Variants in HEMK2 observed in about 807,000 individuals in gnomAD.
HEMK2 encodes HemK methyltransferase 2, ETF1 glutamine and histone H4 lysine, also known as methyltransferase HEMK2.
the HEMK2 span, among the ~76,000 whole-genome samples, chr21:28,607,334 C>T: frequency 3.9e-5 from 6 of 152,030 alleles, no homozygotes; most frequent in African/African-American, 7.2e-5. Context: ...TTGCGTGAAC[C>T]TGAGAGTCAG....
At chr21:28,838,975 ATATATATATATATATATATATATAT>A in the HEMK2 span, among the ~76,000 whole-genome samples, 2 of 30,726 alleles carry the variant, frequency 6.5e-5, no homozygotes, top group Non-Finnish European at 1.0e-4. Flanking sequence ...AAAAAAAAAT[ATATATATATATATATATATATATAT>A]ACATATATAT....
the HEMK2 span, among the ~76,000 whole-genome samples, chr21:28,620,660 C>CTT: frequency 9.3e-4 from 46 of 49,646 alleles, 4 homozygotes; most frequent in East Asian, 4.5e-3. Flanking sequence ...TCTCTCTTTT[C>CTT]TTTTTTTTTT....
At chr21:28,738,296 G>GT in the HEMK2 span, among the ~76,000 whole-genome samples, 2 of 152,152 alleles carry the variant, frequency 1.3e-5, no homozygotes, top group Non-Finnish European at 2.9e-5. Flanking sequence ...TTTCAGTTAA[G>GT]TTTGTTGCCA....
chr21:28,619,890 T>C, the HEMK2 span, among the ~76,000 whole-genome samples: 2 of 152,226 alleles, frequency 1.3e-5, no homozygotes, highest in Non-Finnish European at 2.9e-5. Flanking sequence ...CATGACTTCG[T>C]AAATCTAAGG....
At chr21:28,768,955 A>G in the HEMK2 span, among the ~76,000 whole-genome samples, 7 of 152,042 alleles carry the variant, frequency 4.6e-5, no homozygotes, top group Non-Finnish European at 7.4e-5. Context: ...GGCCATCTGC[A>G]AGCCAAGCAG....
the HEMK2 span, among the ~76,000 whole-genome samples, chr21:28,828,994 T>C: frequency 6.6e-6 from 1 of 152,230 alleles, no homozygotes; most frequent in Non-Finnish European, 1.5e-5. Flanking sequence ...TGCATTCCTT[T>C]ACATTCCTGG....
chr21:28,696,469 T>C, the HEMK2 span, among the ~76,000 whole-genome samples: 120 of 152,368 alleles, frequency 7.9e-4, no homozygotes, highest in African/African-American at 2.6e-3. Flanking sequence ...TGGATTCCCA[T>C]GGTCTCGGGT....
chr21:28,781,413 C>CAG, the HEMK2 span, among the ~76,000 whole-genome samples: 54 of 152,260 alleles, frequency 3.5e-4, 1 homozygote, highest in South Asian at 0.011. Context: ...GACGCCATGC[C>CAG]AGAGTTCCCA....
the HEMK2 span, among the ~76,000 whole-genome samples, chr21:28,760,332 CT>C: frequency 1.3e-5 from 2 of 152,160 alleles, no homozygotes; most frequent in Non-Finnish European, 2.9e-5. Context: ...ATTCAACAAA[CT>C]TTTTCCATAA....
At chr21:28,770,488 T>G in the HEMK2 span, among the ~76,000 whole-genome samples, 1 of 152,118 alleles carries the variant, frequency 6.6e-6, no homozygotes, top group Non-Finnish European at 1.5e-5. Flanking sequence ...GTGCTGTCAT[T>G]TGAATGTGTC....
At chr21:28,800,251 C>T in the HEMK2 span, among the ~76,000 whole-genome samples, 2 of 152,106 alleles carry the variant, frequency 1.3e-5, no homozygotes, top group Non-Finnish European at 2.9e-5. Context: ...CTCATGCTGA[C>T]GTACATGTGA....
chr21:28,882,191 T>C, the HEMK2 span: 77 of 1,590,922 alleles, frequency 4.8e-5, no homozygotes, highest in Middle Eastern at 1.7e-4. Flanking sequence ...AATGTGAACT[T>C]TGTTACAGCG....
chr21:28,733,177 G>C, the HEMK2 span, among the ~76,000 whole-genome samples: 1 of 152,262 alleles, frequency 6.6e-6, no homozygotes, highest in South Asian at 2.1e-4. Context: ...TACTCGGGAG[G>C]CTGAGGCAGG....
chr21:28,766,450 C>A, the HEMK2 span, among the ~76,000 whole-genome samples: 2 of 146,494 alleles, frequency 1.4e-5, no homozygotes, highest in Non-Finnish European at 3.0e-5. Context: ...GTATGAGATG[C>A]CTTAAAGAAC....
At chr21:28,858,618 GGAAAGGAGGGAA>G in the HEMK2 span, among the ~76,000 whole-genome samples, 1 of 151,872 alleles carries the variant, frequency 6.6e-6, no homozygotes, top group Non-Finnish European at 1.5e-5. Context: ...AGGGAAGTGG[GGAAAGGAGGGAA>G]GGAAGGAGGG....
At chr21:28,831,510 A>G in the HEMK2 span, among the ~76,000 whole-genome samples, 121 of 88,006 alleles carry the variant, frequency 1.4e-3, 1 homozygote, top group African/African-American at 4.3e-3. Flanking sequence ...AAAGAAAGAA[A>G]GAAAGAAAGA....
the HEMK2 span, among the ~76,000 whole-genome samples, chr21:28,763,752 T>G: frequency 6.6e-6 from 1 of 152,138 alleles, no homozygotes; most frequent in African/African-American, 2.4e-5. Flanking sequence ...ATGACCATGT[T>G]CTTTTCAGGA....
chr21:28,688,912 C>A, the HEMK2 span, among the ~76,000 whole-genome samples: 1 of 152,102 alleles, frequency 6.6e-6, no homozygotes, highest in Non-Finnish European at 1.5e-5. Context: ...GGGCCAAATC[C>A]AGCCATGCCC....
chr21:28,725,982 T>C, the HEMK2 span, among the ~76,000 whole-genome samples: 1 of 152,248 alleles, frequency 6.6e-6, no homozygotes, highest in South Asian at 2.1e-4. Context: ...AATGGGATAC[T>C]CATCACTGTT....
Sources: allele counts gnomAD v4.1 joint callset (sites outside exome capture counted in the v4.1 genomes callset), GRCh38; gene constraint gnomAD v4.1.1; transcripts MANE v1.5; gene names NCBI Gene and HGNC (gene_info 2026-07-23, HGNC 2026-07-21).